Variants in INVS observed in about 807,000 individuals in gnomAD.
The protein encoded by INVS is inversion of embryo turning homolog.
Under a neutral mutation model 108.8 loss-of-function variants are expected in INVS, and 86 were observed. The observed-to-expected ratio is 0.79, with a 90% CI of 0.66 to 0.95. INVS has a LOEUF of 0.95. Among genes scored for constraint, INVS ranks in the 40% least tolerant of loss-of-function variants. The pLI, the probability that INVS is intolerant of heterozygous loss-of-function variation, is 0.00. For synonymous variants in INVS, 455 were observed against 473.5 expected, an observed-to-expected ratio of 0.96 and a Z score of 0.51; for missense variants, 1,169 against 1,297.4, an observed-to-expected ratio of 0.90 and a Z score of 1.52.
intron 5 of INVS, among the ~76,000 whole-genome samples, chr9:100,238,832 A>C (rs148858178): frequency 1.3e-5 from 2 of 152,230 alleles, no homozygotes; most frequent in Non-Finnish European, 2.9e-5. Context: ...AATGCTTGCT[A>C]TAAAGATCCA....
At chr9:100,119,539 C>G (rs1235226683) in intron 2 of INVS, among the ~76,000 whole-genome samples, 1 of 152,206 alleles carries the variant, frequency 6.6e-6, no homozygotes, top group Non-Finnish European at 1.5e-5. Flanking sequence ...ATTTAGGATT[C>G]TCTCCCCACT....
intron 3 of INVS, among the ~76,000 whole-genome samples, chr9:100,165,974 T>G (rs1031553177): frequency 1.3e-5 from 2 of 152,320 alleles, no homozygotes; most frequent in South Asian, 2.1e-4. Flanking sequence ...TAGGCTTTTA[T>G]AGTGGACAGA....
intron 10 of INVS, among the ~76,000 whole-genome samples, chr9:100,262,730 T>C (rs534138326): frequency 6.4e-5 from 9 of 140,576 alleles, no homozygotes; most frequent in Non-Finnish European, 1.2e-4. Flanking sequence ...AGATTTTGGG[T>C]TTTTTTGTTT....
intron 4 of INVS, among the ~76,000 whole-genome samples, chr9:100,227,807 C>T (rs988872621): frequency 3.9e-5 from 6 of 152,082 alleles, no homozygotes; most frequent in Non-Finnish European, 7.4e-5. Context: ...CAGCAACTGC[C>T]TGTCCAACCT....
chr9:100,110,771 G>A (rs1827317649), intron 2 of INVS, among the ~76,000 whole-genome samples: 1 of 152,176 alleles, frequency 6.6e-6, no homozygotes, highest in South Asian at 2.1e-4. Context: ...AAATAGCAAG[G>A]TGTTGGGGCA....
At chr9:100,140,253 G>T (rs770994598) in intron 3 of INVS, among the ~76,000 whole-genome samples, 1 of 152,170 alleles carries the variant, frequency 6.6e-6, no homozygotes, top group East Asian at 1.9e-4. Flanking sequence ...TTTCACCTGG[G>T]TGCAGGCGGG....
Position 100,298,019 on chromosome 9 carries a change from G to C in INVS, c.3091+9G>C, listed in dbSNP as rs1365814954. On this transcript the variant is annotated intron_variant, in intron 16 of 16. Transcript: ENST00000262457. ...GCTGCGTCTCAACTCAGGTAAGGCA[G>C]CCACTGCAAAGCAGATGGTGGGGAA... 1 of 1,614,136 alleles carries C rather than the reference G, an allele frequency of 6.2e-7. No individual in the cohort carries two copies. Among genetic ancestry groups the C allele is most frequent in the Non-Finnish European group, 8.5e-7 (1 of 1,179,974 alleles).
chr9:100,195,993 A>T (rs1830362675), intron 3 of INVS, among the ~76,000 whole-genome samples: 1 of 152,220 alleles, frequency 6.6e-6, no homozygotes. Context: ...GACTTCATAA[A>T]ATAAGCTGGG....
At chr9:100,299,875 TTAAAA>T (rs1833912328) in intron 16 of INVS, among the ~76,000 whole-genome samples, 1 of 152,196 alleles carries the variant, frequency 6.6e-6, no homozygotes, top group Non-Finnish European at 1.5e-5. Context: ...ATAGTTCACA[TTAAAA>T]TAATTTTGTG....
intron 10 of INVS, among the ~76,000 whole-genome samples, chr9:100,258,058 A>G (rs1164376436): frequency 6.6e-6 from 1 of 152,120 alleles, no homozygotes; most frequent in Non-Finnish European, 1.5e-5. Flanking sequence ...TCAGATGTAG[A>G]TTTGGTCTTT....
At chr9:100,247,722 T>A (rs1832091025) in intron 8 of INVS, among the ~76,000 whole-genome samples, 1 of 152,068 alleles carries the variant, frequency 6.6e-6, no homozygotes, top group African/African-American at 2.4e-5. Flanking sequence ...CAAAAAAAAA[T>A]ATTTTAAGAA....
intron 3 of INVS, among the ~76,000 whole-genome samples, chr9:100,169,339 G>A (rs939754878): frequency 1.3e-5 from 2 of 152,066 alleles, no homozygotes; most frequent in East Asian, 3.9e-4. Context: ...ACATACTTAC[G>A]CTGTACTCCT....
chr9:100,211,900 T>C (rs1306990400), intron 3 of INVS, among the ~76,000 whole-genome samples: 1 of 152,242 alleles, frequency 6.6e-6, no homozygotes, highest in African/African-American at 2.4e-5. Flanking sequence ...TTTAAAGATT[T>C]GCTTAAGATG....
At chr9:100,107,159 T>C (rs1827206949) in intron 2 of INVS, among the ~76,000 whole-genome samples, 1 of 152,074 alleles carries the variant, frequency 6.6e-6, no homozygotes, top group African/African-American at 2.4e-5. Flanking sequence ...AAAGCAAACA[T>C]CCACTTAAAC....
At chr9:100,232,339 C>G (rs1404660360) in intron 5 of INVS, among the ~76,000 whole-genome samples, 1 of 151,950 alleles carries the variant, frequency 6.6e-6, no homozygotes, top group Non-Finnish European at 1.5e-5. Context: ...TTTGCTGTGC[C>G]AAAGCTCTTT....
intron 1 of INVS, chr9:100,101,214 A>G (rs1826977709): frequency 6.6e-6 from 1 of 150,608 alleles, no homozygotes; most frequent in Non-Finnish European, 1.5e-5. Context: ...AGAGTTTAGA[A>G]CAGTGCCTAG....
At chr9:100,140,216 G>A (rs1343893985) in intron 3 of INVS, among the ~76,000 whole-genome samples, 1 of 152,150 alleles carries the variant, frequency 6.6e-6, no homozygotes, top group African/African-American at 2.4e-5. Context: ...CACCAAACAG[G>A]CTTTGTGTGA....
intron 3 of INVS, among the ~76,000 whole-genome samples, chr9:100,206,244 A>G (rs1830673174): frequency 6.6e-6 from 1 of 152,102 alleles, no homozygotes; most frequent in Non-Finnish European, 1.5e-5. Context: ...AAAAATGTAA[A>G]CTGCGATTAC....
chr9:100,210,068 T>G (rs1830790916), intron 3 of INVS, among the ~76,000 whole-genome samples: 1 of 152,196 alleles, frequency 6.6e-6, no homozygotes, highest in South Asian at 2.1e-4. Flanking sequence ...CACTGTTTTC[T>G]CCAATAAGCT....
Sources: gnomAD v4.1 joint callset for allele counts (sites outside exome capture counted in the v4.1 genomes callset) on GRCh38, gnomAD v4.1.1 for gene constraint, MANE v1.5 for transcripts, NCBI Gene and HGNC (gene_info 2026-07-23, HGNC 2026-07-21) for gene names.